Variants in ERC2 observed in about 807,000 individuals in gnomAD.
ERC2 encodes the protein ELKS/RAB6-interacting/CAST family member 2.
ERC2 carries 42 observed loss-of-function variants against 114.8 expected under a neutral mutation model. That is an observed-to-expected ratio of 0.37 (90% confidence interval 0.29 to 0.47). The LOEUF (loss-of-function observed/expected upper bound fraction) is 0.47, where lower values mean the gene tolerates loss of function less well. ERC2 is among the 20% of genes least tolerant of loss of function. The pLI is 0.99. For missense variants in ERC2, 939 were observed against 1,150.7 expected (o/e 0.82, Z 2.66); for synonymous variants, 454 against 425.5 (o/e 1.07, Z -0.82).
At chr3:55,549,995 A>G (rs932236877) in intron 17 of ERC2, among the ~76,000 whole-genome samples, 6 of 150,478 alleles carry the variant, frequency 4.0e-5, no homozygotes, top group Non-Finnish European at 8.8e-5. Flanking sequence ...CTATGTTAAT[A>G]GGACACTTTT....
At chr3:55,551,028 A>G (rs985365154) in intron 17 of ERC2, among the ~76,000 whole-genome samples, 8 of 151,648 alleles carry the variant, frequency 5.3e-5, no homozygotes, top group Non-Finnish European at 1.0e-4. Context: ...AAAAAAAAAA[A>G]AAAGAAAGAA....
intron 17 of ERC2, among the ~76,000 whole-genome samples, chr3:55,540,483 A>G (rs1324807490): frequency 6.6e-6 from 1 of 152,208 alleles, no homozygotes; most frequent in Non-Finnish European, 1.5e-5. Flanking sequence ...TAGGGAATAG[A>G]GGTAAGAAAT....
At position 56,370,886 on chromosome 3, in the gene ERC2, G is replaced by A. The variant is rs570645340; in HGVS notation, c.657+63465C>T. Among the ~76,000 whole-genome samples, 4 of 152,234 alleles carry A rather than the reference G, an allele frequency of 2.6e-5. No individual in the cohort carries two copies. The South Asian group carries it at 6.2e-4, about 24-fold the overall frequency. ...TGGGATTGCAGGCATGAGGCACTGCGCCCAGCCTTGCTTCCCTGGTTCTAA... is the reference window on the plus strand; with the variant it reads ...TGGGATTGCAGGCATGAGGCACTGCACCCAGCCTTGCTTCCCTGGTTCTAA... On this transcript the variant is annotated intron_variant, in intron 2 of 17. Transcript: ENST00000288221.
At chr3:55,698,161 C>G (rs2063034066) in intron 16 of ERC2, among the ~76,000 whole-genome samples, 1 of 151,928 alleles carries the variant, frequency 6.6e-6, no homozygotes, top group Non-Finnish European at 1.5e-5. Context: ...CTTCGGAAAT[C>G]TAGATTTTTT....
At chr3:56,043,740 A>G (rs1290435616) in intron 7 of ERC2, among the ~76,000 whole-genome samples, 1 of 152,152 alleles carries the variant, frequency 6.6e-6, no homozygotes, top group Non-Finnish European at 1.5e-5. Flanking sequence ...AGTTGACAAG[A>G]TAGTACCTGC....
chr3:56,258,622 C>G (rs540791599), intron 3 of ERC2, among the ~76,000 whole-genome samples: 38 of 152,320 alleles, frequency 2.5e-4, no homozygotes, highest in African/African-American at 8.9e-4. Context: ...CCACTGCACT[C>G]CAGCCTGGGC....
At chr3:56,221,428 CTT>C (rs922623567) in intron 3 of ERC2, among the ~76,000 whole-genome samples, 1 of 151,276 alleles carries the variant, frequency 6.6e-6, no homozygotes, top group African/African-American at 2.4e-5. Flanking sequence ...TGCTCATTGA[CTT>C]TATTTATGCA....
At chr3:55,952,499 T>C (rs1187176246) in intron 12 of ERC2, among the ~76,000 whole-genome samples, 1 of 152,054 alleles carries the variant, frequency 6.6e-6, no homozygotes, top group East Asian at 1.9e-4. Context: ...TCTAATTGAA[T>C]GAGGACACAG....
chr3:56,332,167 CAA>C (rs1491539382), intron 2 of ERC2, among the ~76,000 whole-genome samples: 2 of 143,050 alleles, frequency 1.4e-5, no homozygotes, highest in African/African-American at 5.1e-5. Flanking sequence ...CACACACACA[CAA>C]GAGATTTCAA....
chr3:56,392,642 C>T (rs2060170076), intron 2 of ERC2, among the ~76,000 whole-genome samples: 1 of 152,136 alleles, frequency 6.6e-6, no homozygotes, highest in African/African-American at 2.4e-5. Flanking sequence ...GGGGAAAAGT[C>T]AACTAGCTCT....
intron 10 of ERC2, among the ~76,000 whole-genome samples, chr3:55,995,825 A>G (rs968165966): frequency 8.5e-5 from 13 of 152,210 alleles, no homozygotes; most frequent in Non-Finnish European, 1.9e-4. Flanking sequence ...GTGATTCTAC[A>G]CTAAATAAAA....
intron 17 of ERC2, among the ~76,000 whole-genome samples, chr3:55,532,238 A>G (rs1407848474): frequency 1.3e-5 from 2 of 152,198 alleles, no homozygotes; most frequent in African/African-American, 4.8e-5. Context: ...CTTTAACATG[A>G]ACACAGAGGG....
At chr3:55,683,734 C>A (rs1390904928) in intron 17 of ERC2, 60 bp downstream of exon 17, 2 of 1,355,168 alleles carry the variant, frequency 1.5e-6, no homozygotes, top group South Asian at 1.2e-5. Flanking sequence ...CGAGCACGCA[C>A]ACAATACAAC....
intron 13 of ERC2, among the ~76,000 whole-genome samples, chr3:55,918,378 T>A (rs2065227091): frequency 6.6e-6 from 1 of 152,056 alleles, no homozygotes; most frequent in Non-Finnish European, 1.5e-5. Flanking sequence ...ATATCTTCCT[T>A]CTTAACAATA....
chr3:56,133,361 C>T (rs1175880103), intron 6 of ERC2, among the ~76,000 whole-genome samples: 1 of 152,020 alleles, frequency 6.6e-6, no homozygotes, highest in Non-Finnish European at 1.5e-5. Context: ...TGCTTGAACC[C>T]GAGAGGCGGA....
At chr3:55,983,637 C>T (rs1254229740) in intron 12 of ERC2, among the ~76,000 whole-genome samples, 2 of 152,192 alleles carry the variant, frequency 1.3e-5, no homozygotes, top group African/African-American at 2.4e-5. Context: ...ATGGAGTCCA[C>T]AGCACACAGA....
intron 12 of ERC2, among the ~76,000 whole-genome samples, chr3:55,979,298 C>CG (rs1342460548): frequency 6.6e-6 from 1 of 152,186 alleles, no homozygotes; most frequent in African/African-American, 2.4e-5. Flanking sequence ...GAGACTATTT[C>CG]GTTACTTCAT....
chr3:55,562,149 C>T (rs997264993), intron 17 of ERC2, among the ~76,000 whole-genome samples: 17 of 152,104 alleles, frequency 1.1e-4, no homozygotes, highest in African/African-American at 3.4e-4. Flanking sequence ...AATTCTCCCG[C>T]TGCCTTCTTT....
intron 14 of ERC2, among the ~76,000 whole-genome samples, chr3:55,849,998 T>C (rs975613304): frequency 6.6e-5 from 10 of 152,174 alleles, no homozygotes; most frequent in Admixed American, 1.3e-4. Context: ...GTCAGCAGAG[T>C]TGGTTCCTTC....
Sources: gnomAD v4.1 joint callset for allele counts (sites outside exome capture counted in the v4.1 genomes callset) on GRCh38, gnomAD v4.1.1 for gene constraint, MANE v1.5 for transcripts, NCBI Gene and HGNC (gene_info 2026-07-23, HGNC 2026-07-21) for gene names.